The following CANX variants were observed in gnomAD, a reference collection of about 807,000 sequenced individuals.
CANX encodes calnexin, also known as epididymis secretory sperm binding protein.
A neutral mutation model predicts 75.7 loss-of-function variants in CANX; 14 were observed. The ratio of observed to expected loss-of-function variants is 0.19; its 90% CI spans 0.12 to 0.29. The LOEUF is 0.29. Ranked by LOEUF, CANX falls within the 10% of genes least tolerant of loss-of-function variation. The pLI, the probability that CANX is intolerant of heterozygous loss-of-function variation, is 1.00. For synonymous variants in CANX, 227 were observed against 236.9 expected (o/e 0.96, Z 0.38); for missense variants, 567 against 713.2 (o/e 0.79, Z 2.34).
chr5:179,710,434 G>T (rs1389450489), intron 7 of CANX, among the ~76,000 whole-genome samples: 1 of 145,752 alleles, frequency 6.9e-6, no homozygotes, highest in African/African-American at 2.5e-5. Flanking sequence ...AAGGCTGGGC[G>T]CGGTGGCTCA....
chr5:179,728,913 T>A lies in CANX; in HGVS notation c.*269T>A. Reference sequence around the variant, plus strand: ...TAACATGAAGCAAACTAACTTTTTTTTTTTTAACATCTTTGTTTTTAAAAT... The same window carrying A: ...TAACATGAAGCAAACTAACTTTTTTATTTTTAACATCTTTGTTTTTAAAAT... On this transcript the variant is annotated 3_prime_UTR_variant, in exon 15 of 15. Coordinates refer to ENST00000247461, the MANE Select transcript of CANX (RefSeq NM_001746.4). 1 of 466,928 alleles carries A rather than the reference T, an allele frequency of 2.1e-6. No individual in the cohort carries two copies. The highest frequency in any genetic ancestry group is 3.9e-6 in the Non-Finnish European group (1 of 256,054). 28.9% of individuals were successfully genotyped at this position (466,928 alleles called of 1,614,324 possible). A position where few individuals can be genotyped will look rare whatever the true frequency, so the allele number is the denominator to read the frequency against.
chr5:179,678,859 C>T (rs765391430), intron 1 of CANX: 31 of 1,536,456 alleles, frequency 2.0e-5, no homozygotes, highest in Admixed American at 3.9e-5. Flanking sequence ...GCGAGAGCAG[C>T]GGCGACCGCG....
upstream of CANX, chr5:179,698,913 G>A: frequency 8.6e-7 from 1 of 1,157,344 alleles, no homozygotes; most frequent in South Asian, 1.6e-5. Flanking sequence ...GCTACTCAGG[G>A]GCCAGGGGCG....
At chr5:179,716,409 A>T in intron 8 of CANX, 115 bp downstream of exon 8, 1 of 716,050 alleles carries the variant, frequency 1.4e-6, no homozygotes, top group Non-Finnish European at 2.3e-6. Flanking sequence ...TCCATGATGC[A>T]GTCTAATCTG....
At chr5:179,726,835 T>A in intron 14 of CANX, 76 bp downstream of exon 14, 1 of 1,090,908 alleles carries the variant, frequency 9.2e-7, no homozygotes, top group Non-Finnish European at 1.4e-6. Flanking sequence ...TTTAATAGGG[T>A]AGTTTACAGT....
chr5:179,707,002 T>C (rs895871125), intron 3 of CANX, 130 bp from the exon 4 acceptor site: 2 of 636,848 alleles, frequency 3.1e-6, no homozygotes, highest in Non-Finnish European at 5.7e-6. Context: ...GTGACAGATT[T>C]AAAGGTTGGA....
upstream of CANX, chr5:179,698,914 G>T (rs1011873470): frequency 5.2e-6 from 6 of 1,157,464 alleles, no homozygotes; most frequent in Middle Eastern, 8.1e-4. Context: ...CTACTCAGGG[G>T]CCAGGGGCGG....
chr5:179,709,805 CTT>C (rs1286475625), intron 6 of CANX, 66 bp from the exon 7 acceptor site: 2 of 1,016,018 alleles, frequency 2.0e-6, no homozygotes, highest in Non-Finnish European at 2.8e-6. Flanking sequence ...TTATCATACA[CTT>C]TTGAAACGTT....
At chr5:179,694,903 T>C (rs1402028377), upstream of CANX, 1 of 310,310 alleles carries the variant, frequency 3.2e-6, no homozygotes, top group Non-Finnish European at 6.1e-6. Flanking sequence ...GAGGGAAGGA[T>C]GGAGAGACAA....
In CANX at chr5:179,688,893, G is replaced by A. The variant is rs555551398; in HGVS notation, c.-4+10116G>A. The stretch of plus-strand genomic sequence containing the variant: ...GAGGCCAGGAGTTTGATGGTGCAGT[G>A]AGCCATGATCGTACCACTGCACTCC... On this transcript the variant is annotated intron_variant, in intron 1 of 14. Transcript: ENST00000681674. 4.0e-5 allele frequency among the ~76,000 whole-genome samples: 6 copies of A among 151,502 alleles called. No individual in the cohort carries two copies. In the East Asian group the frequency reaches 1.2e-3, roughly 30 times the overall value.
Position 179,678,939 on chromosome 5 carries a change from T to C in CANX, c.-4+162T>C, listed in dbSNP as rs1028750251. On this transcript the variant is annotated intron_variant, in intron 1 of 14. Transcript: ENST00000681674. ...ACGAAGGCCTGGTTGCTGAGGCGCATGCACGGCGCGCCGTAGGCGAGGCCC... is the reference window on the plus strand; with the variant it reads ...ACGAAGGCCTGGTTGCTGAGGCGCACGCACGGCGCGCCGTAGGCGAGGCCC... The C allele has an allele frequency of 5.9e-6, 9 of 1,535,194 alleles. No individual in the cohort carries two copies. The African/African-American group carries it at 1.1e-4, about 19-fold the overall frequency.
intron 13 of CANX, 48 bp from the exon 14 acceptor site, chr5:179,726,632 T>A: frequency 2.4e-6 from 3 of 1,229,818 alleles, no homozygotes; most frequent in Non-Finnish European, 3.6e-6. Context: ...TAATATATAA[T>A]CACCAAAAAT....
chr5:179,715,333 G>C (rs1048170297), intron 7 of CANX, among the ~76,000 whole-genome samples: 2 of 152,106 alleles, frequency 1.3e-5, no homozygotes, highest in African/African-American at 4.8e-5. Flanking sequence ...AGGAGTTTGA[G>C]ACCAGCCTGG....
upstream of CANX, among the ~76,000 whole-genome samples, chr5:179,693,409 C>T (rs1395108019): frequency 3.6e-5 from 3 of 84,202 alleles, no homozygotes; most frequent in Non-Finnish European, 6.1e-5. Context: ...CACGGTGGCT[C>T]AGGCCTGTAA....
intron 7 of CANX, among the ~76,000 whole-genome samples, chr5:179,714,759 C>T (rs1777815127): frequency 6.6e-6 from 1 of 151,894 alleles, no homozygotes; most frequent in Admixed American, 6.6e-5. Flanking sequence ...CCTCGTGATT[C>T]GCCCGTCTCG....
chr5:179,695,918 G>A (rs1325858427), upstream of CANX, among the ~76,000 whole-genome samples: 5 of 151,664 alleles, frequency 3.3e-5, no homozygotes, highest in African/African-American at 7.3e-5. Context: ...GATTACAGGC[G>A]TGAGCCACTG....
At position 179,728,581 on chromosome 5, in the gene CANX, C is replaced by G; in HGVS notation, c.1726-10C>G. The G allele has an allele frequency of 6.5e-7, 1 of 1,533,870 alleles. No individual in the cohort carries two copies. Among genetic ancestry groups the G allele is most frequent in the Non-Finnish European group, 9.0e-7 (1 of 1,108,466 alleles). On this transcript the variant is annotated splice_polypyrimidine_tract_variant and intron_variant, in intron 14 of 14. Coordinates refer to ENST00000247461, the MANE Select transcript of CANX (RefSeq NM_001746.4). ...GTGCTAATTATAATGAATTTCTTTT[C>G]AATCAATAGGAGGATGAAATTTTGA... is the stretch of plus-strand genomic sequence containing the variant.
In CANX at chr5:179,678,726, G is replaced by A. The variant is rs546644235; in HGVS notation, c.-55G>A. On this transcript the variant is annotated 5_prime_UTR_variant, in exon 1 of 15. Coordinates refer to the CANX transcript ENST00000681674. ...CGCTGCTTCTCCAGCAAGTGCATGCGCGCCATGGTCTCAGTCAGCATGTCT... is the reference window on the plus strand; with the variant it reads ...CGCTGCTTCTCCAGCAAGTGCATGCACGCCATGGTCTCAGTCAGCATGTCT... The A allele has an allele frequency of 3.9e-5, 60 of 1,536,998 alleles. No individual in the cohort carries two copies. In the Middle Eastern group the frequency reaches 5.0e-4, roughly 13 times the overall value.
upstream of CANX, chr5:179,694,825 CCTCT>C (rs1197365431): frequency 2.1e-6 from 1 of 468,420 alleles, no homozygotes; most frequent in Non-Finnish European, 3.9e-6. Flanking sequence ...GTGAGTGCTC[CCTCT>C]CTCTGTGTGC....
Sources: gnomAD v4.1 joint callset for allele counts (sites outside exome capture counted in the v4.1 genomes callset) on GRCh38, gnomAD v4.1.1 for gene constraint, MANE v1.5 for transcripts, NCBI Gene and HGNC (gene_info 2026-07-23, HGNC 2026-07-21) for gene names.